The following PACS1 variants were observed in gnomAD, a reference collection of about 807,000 sequenced individuals.
PACS1 encodes phosphofurin acidic cluster sorting protein 1.
A neutral mutation model predicts 115.0 loss-of-function variants in PACS1; 24 were observed. That is an observed-to-expected ratio of 0.21 (90% CI 0.15 to 0.29). The LOEUF (loss-of-function observed/expected upper bound fraction) is 0.29, where lower values mean the gene tolerates loss of function less well. Among genes scored for constraint, PACS1 ranks in the 10% least tolerant of loss-of-function variants. The pLI is 1.00. For missense variants in PACS1, 838 were observed against 1,251.2 expected (o/e 0.67, Z 4.98); for synonymous variants, 453 against 504.5 (o/e 0.90, Z 1.37).
At chr11:66,174,934 T>A (rs1285501918) in intron 1 of PACS1, among the ~76,000 whole-genome samples, 1 of 152,180 alleles carries the variant, frequency 6.6e-6, no homozygotes, top group Non-Finnish European at 1.5e-5. Flanking sequence ...GTGGATCACC[T>A]GAGGTCAGGA....
chr11:66,213,962 G>T (rs1386445439), intron 4 of PACS1, among the ~76,000 whole-genome samples: 2 of 150,516 alleles, frequency 1.3e-5, no homozygotes, highest in Non-Finnish European at 2.9e-5. Flanking sequence ...GAACCCAGGA[G>T]GTGGAGCTTT....
In PACS1 at chr11:66,227,574, CAG is replaced by C; in HGVS notation, c.1366_1367del (p.Asp456HisfsTer6). ...AACCAAGATGACAGCTTGACTGAAA[CAG>C]ACACTCTGGTATGTATGGGTCAGTT... On this transcript the variant is annotated frameshift_variant, in exon 11 of 24. Coordinates refer to ENST00000320580, the MANE Select transcript of PACS1 (RefSeq NM_018026.4). LOFTEE classifies it high-confidence loss of function. The C allele has an allele frequency of 6.2e-7, 1 of 1,607,482 alleles. No individual in the cohort carries two copies. The highest frequency in any genetic ancestry group is 8.5e-7 in the Non-Finnish European group (1 of 1,174,800).
chr11:66,183,070 C>T (rs903053528), intron 1 of PACS1, among the ~76,000 whole-genome samples: 1 of 152,126 alleles, frequency 6.6e-6, no homozygotes, highest in African/African-American at 2.4e-5. Flanking sequence ...ATGGAGGCCG[C>T]AGTGAGCTGA....
intron 1 of PACS1, among the ~76,000 whole-genome samples, chr11:66,155,430 A>G (rs1181980185): frequency 6.6e-6 from 1 of 152,230 alleles, no homozygotes; most frequent in African/African-American, 2.4e-5. Context: ...TTAAATGCAC[A>G]AAAGATTTCA....
intron 1 of PACS1, among the ~76,000 whole-genome samples, chr11:66,193,272 G>A (rs1358515491): frequency 6.6e-6 from 1 of 152,178 alleles, no homozygotes; most frequent in Admixed American, 6.5e-5. Flanking sequence ...TGGGCCCAGG[G>A]CTCCAGTCTG....
At chr11:66,094,669 G>A (rs1445429523) in intron 1 of PACS1, among the ~76,000 whole-genome samples, 1 of 151,338 alleles carries the variant, frequency 6.6e-6, no homozygotes, top group Admixed American at 6.6e-5. Flanking sequence ...CAACAGAAAA[G>A]GAGGGAATCC....
intron 1 of PACS1, among the ~76,000 whole-genome samples, chr11:66,181,594 ATTTG>A (rs1270797880): frequency 6.6e-5 from 10 of 152,130 alleles, no homozygotes; most frequent in African/African-American, 2.2e-4. Flanking sequence ...AATTATGCTT[ATTTG>A]TTCTTTTGAG....
intron 1 of PACS1, among the ~76,000 whole-genome samples, chr11:66,156,345 C>G (rs1160827398): frequency 4.7e-5 from 7 of 148,446 alleles, no homozygotes; most frequent in Non-Finnish European, 7.5e-5. Flanking sequence ...TTCTGCCCCC[C>G]GGGTTCAAGC....
intron 1 of PACS1, among the ~76,000 whole-genome samples, chr11:66,187,299 C>T (rs1390356256): frequency 3.9e-5 from 6 of 152,098 alleles, no homozygotes; most frequent in Non-Finnish European, 7.4e-5. Context: ...TCATCTCAAA[C>T]GCTGATCATT....
intron 1 of PACS1, among the ~76,000 whole-genome samples, chr11:66,179,449 T>G (rs1859950498): frequency 6.6e-6 from 1 of 152,182 alleles, no homozygotes; most frequent in Admixed American, 6.5e-5. Context: ...AAAGCTGGGA[T>G]TACAGACGTG....
chr11:66,098,172 G>A (rs531230420), intron 1 of PACS1, among the ~76,000 whole-genome samples: 6 of 152,202 alleles, frequency 3.9e-5, no homozygotes, highest in East Asian at 1.9e-4. Context: ...GTGAGATTCC[G>A]TCTCAAAAAT....
intron 22 of PACS1, 40 bp downstream of exon 22, chr11:66,241,693 G>A: frequency 1.3e-6 from 2 of 1,515,418 alleles, no homozygotes; most frequent in Non-Finnish European, 9.1e-7. Flanking sequence ...TGGGCCACCA[G>A]GCCTCCCGTC....
chr11:66,118,786 AAAAAAAG>A (rs1858372390), intron 1 of PACS1, among the ~76,000 whole-genome samples: 1 of 151,268 alleles, frequency 6.6e-6, no homozygotes, highest in Non-Finnish European at 1.5e-5. Context: ...AAAAAAAAAA[AAAAAAAG>A]AAAGAAAAAG....
intron 1 of PACS1, among the ~76,000 whole-genome samples, chr11:66,123,549 T>A (rs1858496090): frequency 6.6e-6 from 1 of 151,304 alleles, no homozygotes; most frequent in South Asian, 2.1e-4. Context: ...TGGGACAGAG[T>A]TTCGCTCTGT....
intron 2 of PACS1, among the ~76,000 whole-genome samples, chr11:66,199,973 T>G (rs964770477): frequency 6.7e-6 from 1 of 149,760 alleles, no homozygotes; most frequent in Non-Finnish European, 1.5e-5. Context: ...GAGCCCAGAT[T>G]GCACCACTGC....
rs1855686085 is a variant in PACS1 at position 66,235,377 on chromosome 11, A to G, written c.2181A>G (p.Glu727=). ...CGACACACCAGCTTCCCGTGGCCGA[A>G]GCCATGCTGACTTGCCGGCATAAGT... ...AATTHQLPVA[E]AMLTCRHKFP... is the part of the protein sequence containing the mutation. The change falls in exon 18 of 24, where the codon GAA becomes GAG. Residue 727 remains glutamate, a synonymous_variant. Coordinates refer to ENST00000320580, the MANE Select transcript of PACS1 (RefSeq NM_018026.4). This position sits in a 1 kb window ranked among gnomAD's most constrained non-coding sequence, Gnocchi z 5.6. 6.2e-7 allele frequency: 1 copy of G among 1,613,934 alleles called. No individual in the cohort carries two copies. The highest frequency in any genetic ancestry group is 2.2e-5 in the East Asian group (1 of 44,888).
chr11:66,195,894 C>T (rs993773087), intron 2 of PACS1, among the ~76,000 whole-genome samples: 1 of 152,174 alleles, frequency 6.6e-6, no homozygotes. Flanking sequence ...CCAGGGGGTA[C>T]AGGAGGCCAC....
rs114466066 is a variant in PACS1 at position 66,199,705 on chromosome 11, T to C, written c.444+6132T>C. Among the ~76,000 whole-genome samples the C allele has an allele frequency of 5.7e-3, 866 of 151,970 alleles. 10 individuals are homozygous for C. Among genetic ancestry groups the C allele is most frequent in the African/African-American group, 0.019 (807 of 41,470 alleles). ...GACAAAATTCTGCAATCAAAAGACG[T>C]GGAGTAGTTGAATGCATTAAAAAAC... is the stretch of plus-strand genomic sequence containing the variant. On this transcript the variant is annotated intron_variant, in intron 2 of 23. Transcript: ENST00000320580.
chr11:66,075,863 A>G (rs2134494144), intron 1 of PACS1, among the ~76,000 whole-genome samples: 1 of 150,486 alleles, frequency 6.6e-6, no homozygotes, highest in East Asian at 2.0e-4. Flanking sequence ...TCAGCCTGCC[A>G]AGTAGCTAGG....
Sources: allele counts gnomAD v4.1 joint callset (sites outside exome capture counted in the v4.1 genomes callset), GRCh38; gene constraint gnomAD v4.1.1; non-coding constraint Gnocchi (gnomAD v3.1); transcripts MANE v1.5; gene names NCBI Gene and HGNC (gene_info 2026-07-23, HGNC 2026-07-21).